CAMTA1: variants seen among roughly 807,000 people sequenced by gnomAD.
The protein encoded by CAMTA1 is calmodulin binding transcription activator 1.
In CAMTA1, 27 loss-of-function variants were observed where a neutral mutation model predicts 170.9. The ratio of observed to expected loss-of-function variants is 0.16; its 90% confidence interval spans 0.12 to 0.22. The LOEUF is 0.22. Ranked by LOEUF, CAMTA1 falls within the 10% of genes least tolerant of loss-of-function variation. The probability of loss-of-function intolerance (pLI) is 1.00; values close to 1 mark genes in which losing one functional copy is unlikely to be tolerated. For synonymous variants in CAMTA1, 833 were observed against 891.5 expected (o/e 0.93, Z 1.17); for missense variants, 1,619 against 2,217.2 (o/e 0.73, Z 5.42).
chr1:6,785,472 C>G lies in CAMTA1; in HGVS notation c.-59C>G. The G allele has an allele frequency of 2.0e-6, 2 of 998,182 alleles. No homozygotes were observed. Among genetic ancestry groups the G allele is most frequent in the South Asian group, 9.1e-5 (2 of 21,994 alleles). 61.8% of individuals were successfully genotyped at this position (998,182 alleles called of 1,614,324 possible). On this transcript the variant is annotated 5_prime_UTR_variant, in exon 1 of 23. Transcript: ENST00000303635. ...GCGCGGCGGCGGCGGGGTGGCTGGG[C>G]CGGCGGCGGCGGCGGTACGAGGCGC...
At chr1:7,327,693 A>G (rs907995049) in intron 5 of CAMTA1, among the ~76,000 whole-genome samples, 2 of 152,302 alleles carry the variant, frequency 1.3e-5, no homozygotes, top group African/African-American at 2.4e-5. Context: ...CAGCTCATGC[A>G]TGGGAGGAGG....
rs138715461 is a variant in CAMTA1, at chr1:7,702,813, A to C, written c.2914+25080A>C. On this transcript the variant is annotated intron_variant, in intron 11 of 22. Coordinates refer to ENST00000303635, the MANE Select transcript of CAMTA1 (RefSeq NM_015215.4). ...ATTAAAACAGCACCAGAAACCCAGAAGCCACCCCAACCCCAGCCTCCAGCC... is the reference window on the plus strand; with the variant it reads ...ATTAAAACAGCACCAGAAACCCAGACGCCACCCCAACCCCAGCCTCCAGCC... Among the ~76,000 whole-genome samples the C allele has an allele frequency of 3.0e-4, 46 of 152,268 alleles. No individual in the cohort carries two copies. In the Middle Eastern group the frequency reaches 0.01, roughly 34 times the overall value.
intron 11 of CAMTA1, among the ~76,000 whole-genome samples, chr1:7,709,447 A>G (rs923160460): frequency 1.3e-5 from 2 of 152,212 alleles, no homozygotes; most frequent in East Asian, 1.9e-4. Context: ...CAAACTCCAA[A>G]TGATTTCCCA....
chr1:7,232,202 C>T (rs1017706285), intron 4 of CAMTA1, among the ~76,000 whole-genome samples: 4 of 152,180 alleles, frequency 2.6e-5, no homozygotes, highest in African/African-American at 4.8e-5. Context: ...GGTTGGCCAG[C>T]AGATGGAGGG....
chr1:7,574,740 C>T (rs767358992), intron 6 of CAMTA1, among the ~76,000 whole-genome samples: 7 of 152,194 alleles, frequency 4.6e-5, no homozygotes, highest in Non-Finnish European at 8.8e-5. Context: ...TTTAGACTTT[C>T]AGGGGTCAGG....
At chr1:7,699,139 C>A (rs1471048770) in intron 11 of CAMTA1, among the ~76,000 whole-genome samples, 2 of 152,260 alleles carry the variant, frequency 1.3e-5, no homozygotes, top group Non-Finnish European at 2.9e-5. Context: ...AATTAACATA[C>A]CATACAATTT....
chr1:7,435,434 G>T lies in CAMTA1; in HGVS notation c.439-32396G>T, dbSNP rs543292065. Among the ~76,000 whole-genome samples, 2 of 152,162 alleles carry T rather than the reference G, an allele frequency of 1.3e-5. No homozygotes were observed. The highest frequency in any genetic ancestry group is 2.9e-5 in the Non-Finnish European group (2 of 68,022). On this transcript the variant is annotated intron_variant, in intron 5 of 22. Transcript: ENST00000303635. The surrounding 1 kb of genome is among the most constrained non-coding windows in gnomAD (Gnocchi z 4.4). ...CCTGTGGGATCCCTGCCCTAGGCTG[G>T]GTTCTTGCTCTGCTGCTATTCCTGT... is the stretch of plus-strand genomic sequence containing the variant.
chr1:7,428,048 C>T (rs2149345991), intron 5 of CAMTA1, among the ~76,000 whole-genome samples: 1 of 152,284 alleles, frequency 6.6e-6, no homozygotes. Flanking sequence ...GAGTCGGCGT[C>T]CGTGGGAAAC....
chr1:7,727,799 T>C (rs1423998648), intron 11 of CAMTA1, among the ~76,000 whole-genome samples: 1 of 152,228 alleles, frequency 6.6e-6, no homozygotes, highest in Non-Finnish European at 1.5e-5. Context: ...CTTGCTAGTG[T>C]GGAGATGTAA....
chr1:6,894,958 G>A (rs1421187613), intron 3 of CAMTA1, among the ~76,000 whole-genome samples: 1 of 152,168 alleles, frequency 6.6e-6, no homozygotes, highest in Admixed American at 6.5e-5. Flanking sequence ...TTGCAAAGCC[G>A]GGAGACCAAG....
intron 3 of CAMTA1, among the ~76,000 whole-genome samples, chr1:7,004,810 C>G (rs1487068693): frequency 6.6e-6 from 1 of 152,166 alleles, no homozygotes; most frequent in Non-Finnish European, 1.5e-5. Flanking sequence ...TTCTGTCACC[C>G]AGGCTAGAGT....
At chr1:7,434,576 G>A (rs928935444) in intron 5 of CAMTA1, among the ~76,000 whole-genome samples, 1 of 152,218 alleles carries the variant, frequency 6.6e-6, no homozygotes, top group Non-Finnish European at 1.5e-5. Context: ...TCAGACATTG[G>A]CTTGAGCCTT....
intron 3 of CAMTA1, among the ~76,000 whole-genome samples, chr1:6,826,925 C>T (rs928160352): frequency 2.6e-5 from 4 of 152,182 alleles, no homozygotes; most frequent in African/African-American, 9.7e-5. Flanking sequence ...CTTCAACTTT[C>T]ACATGTTTAA....
intron 22 of CAMTA1, among the ~76,000 whole-genome samples, chr1:7,756,111 A>T (rs2096929626): frequency 6.6e-6 from 1 of 151,790 alleles, no homozygotes; most frequent in African/African-American, 2.4e-5. Context: ...GCTCACTAGG[A>T]GGTCGTACTA....
chr1:7,317,870 A>C (rs1677769456), intron 5 of CAMTA1, among the ~76,000 whole-genome samples: 2 of 152,092 alleles, frequency 1.3e-5, no homozygotes. Flanking sequence ...CAGAGCTACA[A>C]ATTATTGATC....
chr1:7,285,598 A>G (rs529609667), intron 5 of CAMTA1, among the ~76,000 whole-genome samples: 1 of 152,284 alleles, frequency 6.6e-6, no homozygotes, highest in African/African-American at 2.4e-5. Context: ...CACAGATTCT[A>G]TGGTCTTTAA....
At chr1:7,409,885 A>G (rs375790556) in intron 5 of CAMTA1, among the ~76,000 whole-genome samples, 13 of 152,294 alleles carry the variant, frequency 8.5e-5, no homozygotes, top group African/African-American at 3.1e-4. Context: ...GGGTCTTTCA[A>G]GCTCAAGGGA....
chr1:6,873,421 T>TG (rs1668953008), intron 3 of CAMTA1, among the ~76,000 whole-genome samples: 1 of 152,148 alleles, frequency 6.6e-6, no homozygotes, highest in South Asian at 2.1e-4. Flanking sequence ...GGAAGCCATG[T>TG]GGGGGGCCAT....
intron 5 of CAMTA1, among the ~76,000 whole-genome samples, chr1:7,452,483 T>G (rs2092850226): frequency 6.6e-6 from 1 of 152,244 alleles, no homozygotes; most frequent in Non-Finnish European, 1.5e-5. Flanking sequence ...AACACTTTCA[T>G]CACCCCAAAG....
Sources: allele counts gnomAD v4.1 joint callset (sites outside exome capture counted in the v4.1 genomes callset), GRCh38; gene constraint gnomAD v4.1.1; non-coding constraint Gnocchi (gnomAD v3.1); transcripts MANE v1.5; gene names NCBI Gene and HGNC (gene_info 2026-07-23, HGNC 2026-07-21).